Variants in CTNND2 observed in about 807,000 individuals in gnomAD.
CTNND2 encodes the protein catenin delta-2.
Under a neutral mutation model 144.4 loss-of-function variants are expected in CTNND2, and 22 were observed. The observed-to-expected ratio is 0.15, with a 90% CI of 0.11 to 0.22. CTNND2 has a LOEUF of 0.22. Among genes scored for constraint, CTNND2 ranks in the 10% least tolerant of loss-of-function variants. The pLI, the probability that CTNND2 is intolerant of heterozygous loss-of-function variation, is 1.00. For synonymous variants in CTNND2, 751 were observed against 695.6 expected (o/e 1.08, Z -1.25); for missense variants, 1,353 against 1,618.8 (o/e 0.84, Z 2.82).
At chr5:11,244,984 T>C (rs886142196) in intron 9 of CTNND2, among the ~76,000 whole-genome samples, 5 of 152,148 alleles carry the variant, frequency 3.3e-5, no homozygotes, top group African/African-American at 7.2e-5. Flanking sequence ...ATATATGAGA[T>C]AAGATGACAA....
intron 2 of CTNND2, among the ~76,000 whole-genome samples, chr5:11,565,611 CA>C (rs1777026978): frequency 6.6e-6 from 1 of 152,146 alleles, no homozygotes; most frequent in Admixed American, 6.5e-5. Flanking sequence ...ACAATGATAC[CA>C]ATTCTACACA....
chr5:11,488,597 T>C (rs1769075864), intron 3 of CTNND2, among the ~76,000 whole-genome samples: 1 of 152,216 alleles, frequency 6.6e-6, no homozygotes, highest in African/African-American at 2.4e-5. Context: ...GTAATTTTGG[T>C]ATATGGTTTT....
intron 2 of CTNND2, among the ~76,000 whole-genome samples, chr5:11,641,810 G>A (rs1220119645): frequency 6.8e-6 from 1 of 146,400 alleles, no homozygotes; most frequent in East Asian, 2.2e-4. Flanking sequence ...ACACGTGTAT[G>A]TACATACATA....
At chr5:11,219,272 A>G (rs115371786) in intron 10 of CTNND2, among the ~76,000 whole-genome samples, 411 of 152,236 alleles carry the variant, frequency 2.7e-3, no homozygotes, top group Middle Eastern at 6.8e-3. Flanking sequence ...ACAAGAATCA[A>G]ATGGAGTTAA....
chr5:11,838,642 T>G (rs898743164), intron 1 of CTNND2, among the ~76,000 whole-genome samples: 1 of 152,228 alleles, frequency 6.6e-6, no homozygotes, highest in African/African-American at 2.4e-5. Flanking sequence ...ACCCAACTTA[T>G]GACTCCTCCC....
chr5:11,046,915 G>A (rs1244305181), intron 16 of CTNND2, among the ~76,000 whole-genome samples: 2 of 152,186 alleles, frequency 1.3e-5, no homozygotes, highest in African/African-American at 4.8e-5. Context: ...CAGCACTGAC[G>A]AAATGGCAAG....
chr5:11,889,548 C>T (rs1163338816), intron 1 of CTNND2, among the ~76,000 whole-genome samples: 1 of 152,156 alleles, frequency 6.6e-6, no homozygotes, highest in East Asian at 1.9e-4. Context: ...TTTCTGTGTG[C>T]AGGTTTATAT....
chr5:11,277,978 C>T (rs1344542569), intron 9 of CTNND2, among the ~76,000 whole-genome samples: 2 of 152,224 alleles, frequency 1.3e-5, no homozygotes, highest in Non-Finnish European at 2.9e-5. Flanking sequence ...CTTGTCTCCA[C>T]TTTTCTGTAC....
intron 9 of CTNND2, among the ~76,000 whole-genome samples, chr5:11,288,375 T>G (rs1172083405): frequency 6.6e-6 from 1 of 152,030 alleles, no homozygotes; most frequent in African/African-American, 2.4e-5. Flanking sequence ...AACTGCTAAC[T>G]AATTTTAACA....
intron 6 of CTNND2, among the ~76,000 whole-genome samples, chr5:11,392,529 G>C (rs938013922): frequency 2.6e-5 from 4 of 152,106 alleles, no homozygotes; most frequent in Non-Finnish European, 4.4e-5. Flanking sequence ...GCTCAGAAGA[G>C]AAAATGTTAC....
intron 2 of CTNND2, among the ~76,000 whole-genome samples, chr5:11,690,849 C>CTGCT (rs1467948435): frequency 7.0e-6 from 1 of 143,818 alleles, no homozygotes; most frequent in Non-Finnish European, 1.5e-5. Context: ...ATATAAAATA[C>CTGCT]TGCTGCATGC....
intron 3 of CTNND2, among the ~76,000 whole-genome samples, chr5:11,544,372 TA>T (rs1022691815): frequency 2.6e-5 from 4 of 152,182 alleles, no homozygotes; most frequent in Non-Finnish European, 5.9e-5. Context: ...TAGAAAATGG[TA>T]AAACCACTTT....
intron 8 of CTNND2, chr5:11,364,472 A>G: frequency 2.4e-6 from 1 of 416,050 alleles, no homozygotes; most frequent in African/African-American, 2.1e-5. Context: ...ATGAGCTTAC[A>G]ATCGCCATTT....
intron 12 of CTNND2, among the ~76,000 whole-genome samples, chr5:11,128,814 A>C (rs1293124587): frequency 3.6e-5 from 2 of 55,632 alleles, no homozygotes; most frequent in African/African-American, 8.9e-5. Flanking sequence ...TACAATATAT[A>C]TAATATATAT....
intron 2 of CTNND2, among the ~76,000 whole-genome samples, chr5:11,587,838 AT>A (rs1778974131): frequency 6.6e-6 from 1 of 152,158 alleles, no homozygotes; most frequent in African/African-American, 2.4e-5. Flanking sequence ...AATCTAAAAT[AT>A]AATTCCACAG....
chr5:11,745,300 C>G (rs1380309315), intron 1 of CTNND2, among the ~76,000 whole-genome samples: 1 of 152,088 alleles, frequency 6.6e-6, no homozygotes, highest in Non-Finnish European at 1.5e-5. Flanking sequence ...TCTTTAGATG[C>G]GCCCTTCGTG....
intron 1 of CTNND2, among the ~76,000 whole-genome samples, chr5:11,744,745 TTTATTA>T (rs919103728): frequency 6.6e-6 from 1 of 151,758 alleles, no homozygotes; most frequent in African/African-American, 2.4e-5. Context: ...ATTTTATTAT[TTTATTA>T]TTATTATTTT....
intron 1 of CTNND2, among the ~76,000 whole-genome samples, chr5:11,867,385 C>A (rs73052519): frequency 6.6e-6 from 1 of 152,120 alleles, no homozygotes; most frequent in Admixed American, 6.5e-5. Flanking sequence ...ACATTACAGG[C>A]AAGGAATAAC....
intron 3 of CTNND2, among the ~76,000 whole-genome samples, chr5:11,503,690 T>G (rs1467649147): frequency 1.3e-5 from 2 of 152,220 alleles, no homozygotes; most frequent in African/African-American, 4.8e-5. Flanking sequence ...TCCAGAGTGA[T>G]TTAAAGAGCA....
Sources: gnomAD v4.1 joint callset for allele counts (sites outside exome capture counted in the v4.1 genomes callset) on GRCh38, gnomAD v4.1.1 for gene constraint, MANE v1.5 for transcripts, NCBI Gene and HGNC (gene_info 2026-07-23, HGNC 2026-07-21) for gene names.